PHF21A: variants seen among roughly 807,000 people sequenced by gnomAD.
PHF21A encodes the protein PHD finger protein 21A.
A neutral mutation model predicts 82.5 loss-of-function variants in PHF21A; 11 were observed. The ratio of observed to expected loss-of-function variants is 0.13; its 90% CI spans 0.08 to 0.22. The LOEUF is 0.22. Among genes scored for constraint, PHF21A ranks in the 10% least tolerant of loss-of-function variants. The pLI, the probability that PHF21A is intolerant of heterozygous loss-of-function variation, is 1.00. For missense variants in PHF21A, 579 were observed against 837.8 expected (o/e 0.69, Z 3.81); for synonymous variants, 297 against 302.8 (o/e 0.98, Z 0.20).
At chr11:46,017,483 G>C (rs1037212244) in intron 6 of PHF21A, among the ~76,000 whole-genome samples, 4 of 151,882 alleles carry the variant, frequency 2.6e-5, no homozygotes, top group African/African-American at 9.7e-5. Context: ...ATAACACTCT[G>C]TCTCCCTGTG....
At chr11:45,969,925 A>G (rs765554527) in intron 8 of PHF21A, 21 bp from the exon 9 acceptor site, 2 of 1,515,210 alleles carry the variant, frequency 1.3e-6, no homozygotes, top group South Asian at 2.3e-5. Context: ...AGGAAGATAA[A>G]TAAACCAGAG....
intron 15 of PHF21A, among the ~76,000 whole-genome samples, chr11:45,944,734 G>A (rs2091026427): frequency 6.6e-6 from 1 of 152,162 alleles, no homozygotes; most frequent in African/African-American, 2.4e-5. Flanking sequence ...TCAGCCTCCT[G>A]CCAGTATGCT....
At chr11:46,032,148 T>C (rs1026135054) in intron 6 of PHF21A, among the ~76,000 whole-genome samples, 4 of 152,216 alleles carry the variant, frequency 2.6e-5, no homozygotes, top group African/African-American at 9.6e-5. Context: ...CCTGTGTCCT[T>C]AGTTAGGATC....
intron 1 of PHF21A, among the ~76,000 whole-genome samples, chr11:46,100,609 C>T (rs923371923): frequency 1.3e-5 from 2 of 152,022 alleles, no homozygotes; most frequent in Non-Finnish European, 2.9e-5. Flanking sequence ...ATGATAGATG[C>T]CAAATAACAT....
chr11:46,058,647 A>G (rs1335882001), intron 6 of PHF21A, among the ~76,000 whole-genome samples: 1 of 152,232 alleles, frequency 6.6e-6, no homozygotes, highest in Non-Finnish European at 1.5e-5. Flanking sequence ...TAGGTAACAT[A>G]AAAGGCTTCA....
At chr11:45,936,762 C>G (rs573349423) in intron 16 of PHF21A, 193 bp from the exon 17 acceptor site, 13 of 554,702 alleles carry the variant, frequency 2.3e-5, no homozygotes, top group Non-Finnish European at 9.6e-6. Flanking sequence ...GAATCAAGTT[C>G]AAGGCAGGAA....
chr11:46,098,538 A>G (rs2097037766), intron 1 of PHF21A, among the ~76,000 whole-genome samples: 1 of 152,220 alleles, frequency 6.6e-6, no homozygotes, highest in South Asian at 2.1e-4. Flanking sequence ...CTCACTCTAT[A>G]AAGTACAAAA....
intron 7 of PHF21A, among the ~76,000 whole-genome samples, chr11:45,976,876 C>G (rs953868035): frequency 6.6e-6 from 1 of 152,124 alleles, no homozygotes; most frequent in African/African-American, 2.4e-5. Context: ...TTGTAGTTTA[C>G]CTGTAAACTC....
At chr11:46,014,716 C>T (rs1266336138) in intron 6 of PHF21A, among the ~76,000 whole-genome samples, 1 of 111,944 alleles carries the variant, frequency 8.9e-6, no homozygotes, top group African/African-American at 5.0e-5. Flanking sequence ...CGCGGTGGCT[C>T]ACGCCTGTAA....
At chr11:46,095,590 C>T (rs963063875) in intron 1 of PHF21A, among the ~76,000 whole-genome samples, 7 of 151,980 alleles carry the variant, frequency 4.6e-5, no homozygotes, top group Non-Finnish European at 1.0e-4. Context: ...CAGGTAACTG[C>T]TCTAATTAGA....
chr11:46,043,481 T>C (rs937650517), intron 6 of PHF21A, among the ~76,000 whole-genome samples: 3 of 152,112 alleles, frequency 2.0e-5, no homozygotes, highest in African/African-American at 4.8e-5. Flanking sequence ...AAAGCCCATA[T>C]CACGGTCTAT....
intron 6 of PHF21A, among the ~76,000 whole-genome samples, chr11:46,051,530 A>G (rs2096365759): frequency 6.6e-6 from 1 of 152,170 alleles, no homozygotes; most frequent in Non-Finnish European, 1.5e-5. Flanking sequence ...GAAATTGCCT[A>G]AGGAAACCTC....
chr11:46,087,290 T>C (rs1297482556), intron 3 of PHF21A, among the ~76,000 whole-genome samples: 1 of 152,234 alleles, frequency 6.6e-6, no homozygotes, highest in African/African-American at 2.4e-5. Context: ...AGGGTTTAAC[T>C]TGAAGACTGT....
intron 6 of PHF21A, among the ~76,000 whole-genome samples, chr11:46,035,180 T>C (rs1350442775): frequency 1.3e-5 from 2 of 152,202 alleles, no homozygotes; most frequent in Non-Finnish European, 2.9e-5. Flanking sequence ...TAATTTGCAA[T>C]CAAGACAGTC....
chr11:46,072,316 A>T (rs569681294), intron 6 of PHF21A, among the ~76,000 whole-genome samples: 13 of 152,218 alleles, frequency 8.5e-5, no homozygotes, highest in Non-Finnish European at 1.8e-4. Flanking sequence ...ATGGGATCTA[A>T]CTGGAAGTGG....
chr11:45,976,215 C>T (rs182289031), intron 7 of PHF21A, among the ~76,000 whole-genome samples: 180 of 152,274 alleles, frequency 1.2e-3, no homozygotes, highest in African/African-American at 4.0e-3. Context: ...GAAGCTCTTT[C>T]CCCTTTGCTC....
At chr11:45,975,648 G>A (rs1365477425) in intron 7 of PHF21A, among the ~76,000 whole-genome samples, 1 of 152,110 alleles carries the variant, frequency 6.6e-6, no homozygotes, top group Non-Finnish European at 1.5e-5. Flanking sequence ...GTGAATATAG[G>A]TTGGAGAGTA....
intron 18 of PHF21A, chr11:45,934,462 G>A (rs1026680722): frequency 1.4e-5 from 7 of 516,488 alleles, no homozygotes; most frequent in African/African-American, 1.2e-4. Flanking sequence ...GAGGGAGAAA[G>A]AGCATGCGGG....
In PHF21A at chr11:45,929,587, CT is replaced by C. The variant is rs1200404780; in HGVS notation, c.*4380del. The stretch of plus-strand genomic sequence containing the variant: ...CCCGTCCCATCCCGCCTGACTGCAG[CT>C]CACCCTGGGCTGAGGACCCACGGAC... On this transcript the variant is annotated 3_prime_UTR_variant, in exon 19 of 19. Transcript: ENST00000676320. 1.3e-5 allele frequency: 2 copies of C among 152,662 alleles called. No individual in the cohort carries two copies. The highest frequency in any genetic ancestry group is 2.9e-5 in the Non-Finnish European group (2 of 68,514). The allele number at this position is 152,662 out of a possible 1,614,324, so 9.5% of individuals were successfully genotyped here.
Sources: allele counts gnomAD v4.1 joint callset (sites outside exome capture counted in the v4.1 genomes callset), GRCh38; gene constraint gnomAD v4.1.1; transcripts MANE v1.5; gene names NCBI Gene and HGNC (gene_info 2026-07-23, HGNC 2026-07-21).